PTPRD: variants seen among roughly 807,000 people sequenced by gnomAD.
PTPRD encodes receptor-type tyrosine-protein phosphatase delta.
PTPRD carries 34 observed loss-of-function variants against 214.5 expected under a neutral mutation model. That is an observed-to-expected ratio of 0.16 (90% confidence interval 0.12 to 0.21). The LOEUF (loss-of-function observed/expected upper bound fraction) is 0.21. Among genes scored for constraint, PTPRD ranks in the 10% least tolerant of loss-of-function variants. The probability of loss-of-function intolerance (pLI) is 1.00; values close to 1 mark genes in which losing one functional copy is unlikely to be tolerated. For missense variants in PTPRD, 2,545 were observed against 2,398.7 expected, an observed-to-expected ratio of 1.06 and a Z score of -1.27; for synonymous variants, 1,128 against 845.7, an observed-to-expected ratio of 1.33 and a Z score of -5.79.
intron 21 of PTPRD, among the ~76,000 whole-genome samples, chr9:8,517,551 C>G (rs1364839998): frequency 6.6e-6 from 1 of 151,814 alleles, no homozygotes; most frequent in Non-Finnish European, 1.5e-5. Flanking sequence ...TGTCGTTTTT[C>G]TATTCTCAAA....
At chr9:8,949,431 A>G (rs1211358522) in intron 11 of PTPRD, among the ~76,000 whole-genome samples, 4 of 152,084 alleles carry the variant, frequency 2.6e-5, no homozygotes, top group Non-Finnish European at 5.9e-5. Context: ...CTTAATCTGC[A>G]TGAAAACCCT....
intron 3 of PTPRD, among the ~76,000 whole-genome samples, chr9:10,037,950 A>G (rs545372617): frequency 6.6e-6 from 1 of 152,142 alleles, no homozygotes; most frequent in South Asian, 2.1e-4. Context: ...TAATTTCACT[A>G]CCTCTATTTC....
At chr9:8,932,241 T>A (rs1487063077) in intron 11 of PTPRD, among the ~76,000 whole-genome samples, 1 of 152,166 alleles carries the variant, frequency 6.6e-6, no homozygotes, top group Non-Finnish European at 1.5e-5. Flanking sequence ...GTTCTTTTAA[T>A]TGTGATGTTA....
chr9:10,502,021 A>T lies in PTPRD; in HGVS notation c.-600+110377T>A, dbSNP rs2133261054. On this transcript the variant is annotated intron_variant, in intron 2 of 45. Transcript: ENST00000381196. ...GTACAGAGTTGAGAACCACTGCTAT[A>T]TAGAAACCAATAAGAAGAAAATCGA... Among the ~76,000 whole-genome samples the T allele has an allele frequency of 1.3e-5, 2 of 152,084 alleles. 1 individual carries two copies. Among genetic ancestry groups the T allele is most frequent in the South Asian group, 4.1e-4 (2 of 4,826 alleles).
chr9:8,691,362 G>C (rs1392097839), intron 12 of PTPRD, among the ~76,000 whole-genome samples: 1 of 149,180 alleles, frequency 6.7e-6, no homozygotes, highest in Non-Finnish European at 1.5e-5. Flanking sequence ...ACAGTACCAT[G>C]TTCAGAAGGA....
At chr9:10,031,036 C>G (rs576079165) in intron 4 of PTPRD, among the ~76,000 whole-genome samples, 2 of 152,276 alleles carry the variant, frequency 1.3e-5, no homozygotes, top group African/African-American at 4.8e-5. Context: ...ATTGATTAAT[C>G]TATCTGTGCT....
rs36213005 is a variant in PTPRD, at chr9:9,211,515, G to GCACACACA, written c.-202-28160_-202-28153dup. 2.4e-3 allele frequency among the ~76,000 whole-genome samples: 343 copies of GCACACACA among 143,622 alleles called. 1 individual carries two copies. Among genetic ancestry groups the GCACACACA allele is most frequent in the Middle Eastern group, 3.6e-3 (1 of 276 alleles). 94.2% of individuals were successfully genotyped at this position (143,622 alleles called of 152,430 possible). On this transcript the variant is annotated intron_variant, in intron 9 of 45. Transcript: ENST00000381196. ...CCTTCCTCTCCCCCAGTGTGCGCAC[G>GCACACACA]CACACACACACACACACACACACAC...
At chr9:10,261,090 TATATATAG>T (rs961974425) in intron 3 of PTPRD, among the ~76,000 whole-genome samples, 17 of 145,962 alleles carry the variant, frequency 1.2e-4, no homozygotes, top group African/African-American at 4.2e-4. Context: ...TGTATATATA[TATATATAG>T]AGAGAGAGTC....
At chr9:8,872,804 TACA>T (rs1465848238) in intron 11 of PTPRD, among the ~76,000 whole-genome samples, 2 of 152,228 alleles carry the variant, frequency 1.3e-5, no homozygotes, top group Admixed American at 6.5e-5. Flanking sequence ...CATTTGCCAG[TACA>T]ACAAGAAACC....
intron 37 of PTPRD, among the ~76,000 whole-genome samples, chr9:8,384,009 A>T (rs939516079): frequency 2.6e-5 from 4 of 152,208 alleles, no homozygotes; most frequent in African/African-American, 9.6e-5. Context: ...AGTAGGAGAG[A>T]AACAGTCAAG....
intron 9 of PTPRD, among the ~76,000 whole-genome samples, chr9:9,319,974 T>A (rs1965597605): frequency 6.6e-6 from 1 of 152,146 alleles, no homozygotes; most frequent in Non-Finnish European, 1.5e-5. Context: ...TTCAATTATA[T>A]CATTGATTCC....
intron 3 of PTPRD, among the ~76,000 whole-genome samples, chr9:10,154,875 T>G (rs748986522): frequency 1.3e-5 from 2 of 152,170 alleles, no homozygotes; most frequent in Non-Finnish European, 2.9e-5. Flanking sequence ...TGAAGTCAGG[T>G]AGCATGCTGC....
chr9:9,896,518 AAC>A (rs1490125397), intron 5 of PTPRD, among the ~76,000 whole-genome samples: 1 of 152,058 alleles, frequency 6.6e-6, no homozygotes, highest in African/African-American at 2.4e-5. Flanking sequence ...TGGATAGCTA[AAC>A]ACATTTTTTA....
At chr9:8,953,269 T>A (rs1259668653) in intron 11 of PTPRD, among the ~76,000 whole-genome samples, 2 of 151,836 alleles carry the variant, frequency 1.3e-5, no homozygotes, top group African/African-American at 2.4e-5. Flanking sequence ...CCCAGATAGA[T>A]AACTGGCTGT....
chr9:10,073,664 A>G (rs1040788785), intron 3 of PTPRD, among the ~76,000 whole-genome samples: 1 of 152,076 alleles, frequency 6.6e-6, no homozygotes, highest in Admixed American at 6.5e-5. Flanking sequence ...TGGTCTTCCT[A>G]CTATGAGGAA....
chr9:9,328,618 C>CTTTTTTTTTTTTTT lies in PTPRD; in HGVS notation c.-203+68817_-203+68830dup, dbSNP rs869076374. Among the ~76,000 whole-genome samples, 24 of 28,230 alleles carry CTTTTTTTTTTTTTT rather than the reference C, an allele frequency of 8.5e-4. 6 individuals carry two copies. Among genetic ancestry groups the CTTTTTTTTTTTTTT allele is most frequent in the African/African-American group, 1.8e-3 (14 of 7,926 alleles). 18.5% of individuals were successfully genotyped at this position (28,230 alleles called of 152,430 possible). A position where few individuals can be genotyped will look rare whatever the true frequency, so the allele number is the denominator to read the frequency against. On this transcript the variant is annotated intron_variant, in intron 9 of 45. Transcript: ENST00000381196. ...ACATTTTCTTTTGTTGTTGTTCTTG[C>CTTTTTTTTTTTTTT]TTTTTTTTTTTTTTTTTTTTTTTTT...
chr9:9,150,456 C>T (rs1592474369), intron 10 of PTPRD, among the ~76,000 whole-genome samples: 1 of 147,010 alleles, frequency 6.8e-6, no homozygotes, highest in African/African-American at 2.5e-5. Context: ...ATGTATGTAA[C>T]ATATTATATA....
At chr9:9,448,847 GGGTGGCTAATGGATGA>G (rs1261630966) in intron 8 of PTPRD, among the ~76,000 whole-genome samples, 1 of 152,018 alleles carries the variant, frequency 6.6e-6, no homozygotes, top group Non-Finnish European at 1.5e-5. Flanking sequence ...TTAAAAAGCA[GGGTGGCTAATGGATGA>G]GGTTGCTAAT....
rs529879991 is a variant in PTPRD, at chr9:8,742,656, T to C, written c.-103-8710A>G. On this transcript the variant is annotated intron_variant, in intron 11 of 45. Transcript: ENST00000381196. ...TGAAAAGCAATTTTAAAAATTCACT[T>C]TGAGGAGAATTTACCACTCTCTAAA... Among the ~76,000 whole-genome samples the C allele has an allele frequency of 1.8e-4, 28 of 152,322 alleles. 3 individuals carry two copies. The South Asian group carries it at 5.8e-3, about 32-fold the overall frequency.
Sources: gnomAD v4.1 joint callset for allele counts (sites outside exome capture counted in the v4.1 genomes callset) on GRCh38, gnomAD v4.1.1 for gene constraint, MANE v1.5 for transcripts, NCBI Gene and HGNC (gene_info 2026-07-23, HGNC 2026-07-21) for gene names.